AGPAT2: variants seen among roughly 807,000 people sequenced by gnomAD.
AGPAT2 encodes 1-acylglycerol-3-phosphate O-acyltransferase 2.
A neutral mutation model predicts 26.1 loss-of-function variants in AGPAT2; 18 were observed. That is an observed-to-expected ratio of 0.69 (90% confidence interval 0.48 to 1.02). The LOEUF is 1.02. AGPAT2 is among the 50% of genes least tolerant of loss of function. AGPAT2 has a pLI of 0.00. For synonymous variants in AGPAT2, 200 were observed against 174.2 expected (o/e 1.15, Z -1.16); for missense variants, 415 against 394.9 (o/e 1.05, Z -0.43).
chr9:136,685,819 G>T (rs1011713137), intron 1 of AGPAT2, among the ~76,000 whole-genome samples: 1 of 152,166 alleles, frequency 6.6e-6, no homozygotes, highest in African/African-American at 2.4e-5. Flanking sequence ...GGATCCCAGG[G>T]CCAGAACCAC....
chr9:136,684,660 G>T (rs1254257645), intron 1 of AGPAT2, among the ~76,000 whole-genome samples: 1 of 152,210 alleles, frequency 6.6e-6, no homozygotes, highest in Non-Finnish European at 1.5e-5. Context: ...CCAGCCCCAA[G>T]CGCTGGGCTG....
chr9:136,674,017 C>T, intron 5 of AGPAT2, 90 bp from the exon 6 acceptor site: 3 of 1,290,602 alleles, frequency 2.3e-6, no homozygotes, highest in South Asian at 1.8e-5. Flanking sequence ...CCCAGCCCCC[C>T]ACAGCCCCTC....
chr9:136,681,879 C>T (rs1211543146), intron 1 of AGPAT2, among the ~76,000 whole-genome samples: 1 of 152,074 alleles, frequency 6.6e-6, no homozygotes, highest in African/African-American at 2.4e-5. Context: ...GCCGAGGACA[C>T]CCCCGGGAAC....
intron 1 of AGPAT2, among the ~76,000 whole-genome samples, chr9:136,678,317 C>T (rs1305699313): frequency 1.3e-5 from 2 of 152,154 alleles, no homozygotes; most frequent in Non-Finnish European, 1.5e-5. Context: ...TGTGAGGTGG[C>T]CTTGTCCAAG....
At chr9:136,677,582 G>A (rs776939303) in intron 1 of AGPAT2, 26 bp from the exon 2 acceptor site, 9 of 1,612,678 alleles carry the variant, frequency 5.6e-6, no homozygotes, top group African/African-American at 1.3e-5. Context: ...CCATGAACAC[G>A]GGTCCCACAG....
At chr9:136,678,288 C>G (rs1057287657) in intron 1 of AGPAT2, among the ~76,000 whole-genome samples, 1 of 152,170 alleles carries the variant, frequency 6.6e-6, no homozygotes, top group African/African-American at 2.4e-5. Flanking sequence ...CTGGGGGCTG[C>G]CCTTGGAGCA....
In AGPAT2 at chr9:136,687,304, C is replaced by T. The variant is rs140553479; in HGVS notation, c.54G>A (p.Val18=). The T allele has an allele frequency of 7.3e-5, 115 of 1,578,126 alleles. No homozygotes were observed. The highest frequency in any genetic ancestry group is 9.6e-5 in the Non-Finnish European group (112 of 1,167,546). Residue 18 remains valine, a synonymous_variant, in exon 1 of 6, where the codon GTG becomes GTA. Coordinates refer to ENST00000371696, the MANE Select transcript of AGPAT2 (RefSeq NM_006412.4). ...AGAACTCGGCCGCGCGGCTCAGCTGCACCAGCAGCAGCAGCAACAGCAGCG... is the reference window on the plus strand; with the variant it reads ...AGAACTCGGCCGCGCGGCTCAGCTGTACCAGCAGCAGCAGCAACAGCAGCG... The part of the protein sequence containing the change: ...AAALLLLLLL[V]QLSRAAEFYA...
intron 5 of AGPAT2, among the ~76,000 whole-genome samples, chr9:136,674,442 G>A (rs1846062285): frequency 6.6e-6 from 1 of 152,256 alleles, no homozygotes; most frequent in Non-Finnish European, 1.5e-5. Context: ...TGGGCTCAGA[G>A]GCCGCCCTCC....
chr9:136,679,454 A>C (rs1332276604), intron 1 of AGPAT2, among the ~76,000 whole-genome samples: 2 of 151,948 alleles, frequency 1.3e-5, no homozygotes, highest in East Asian at 3.9e-4. Flanking sequence ...CCAACTCTAG[A>C]TATCTCCTCT....
chr9:136,676,431 G>A (rs536044504), intron 4 of AGPAT2, among the ~76,000 whole-genome samples, 154 bp downstream of exon 4: 7 of 152,214 alleles, frequency 4.6e-5, no homozygotes, highest in Non-Finnish European at 8.8e-5. Context: ...GCAAGTGCAG[G>A]AAGGGGCAAG....
intron 1 of AGPAT2, among the ~76,000 whole-genome samples, chr9:136,683,898 C>T (rs531752247): frequency 1.4e-3 from 206 of 152,318 alleles, no homozygotes; most frequent in African/African-American, 4.6e-3. Flanking sequence ...ATGCACTGGC[C>T]GGCAAATCTG....
At chr9:136,675,704 C>T (rs1846082225) in intron 4 of AGPAT2, among the ~76,000 whole-genome samples, 1 of 152,292 alleles carries the variant, frequency 6.6e-6, no homozygotes, top group East Asian at 1.9e-4. Context: ...GCTGATCCAG[C>T]CCTCACTCTG....
rs1282800569 is a variant in AGPAT2, at chr9:136,677,405, C to G, written c.316+18G>C. 6.2e-7 allele frequency: 1 copy of G among 1,613,144 alleles called. No individual in the cohort carries two copies. On this transcript the variant is annotated intron_variant, in intron 2 of 5. Transcript: ENST00000371696. ...GCCCCACTCAAACCCCAGAAGCCAC[C>G]CCCGAGGCCCGGCCTACCCATCATG...
At chr9:136,675,187 A>G (rs184836953) in intron 4 of AGPAT2, among the ~76,000 whole-genome samples, 2,212 of 151,994 alleles carry the variant, frequency 0.015, 51 homozygotes, top group African/African-American at 0.046. Flanking sequence ...TCTCCATCTC[A>G]GGAAGCCAGT....
At chr9:136,674,897 G>A (rs1023174502) in intron 4 of AGPAT2, 90 bp from the exon 5 acceptor site, 35 of 934,984 alleles carry the variant, frequency 3.7e-5, no homozygotes, top group South Asian at 1.0e-4. Flanking sequence ...CCTGTCCTGC[G>A]GCCCACCCAC....
In AGPAT2 at chr9:136,684,226, G is replaced by A. The variant is rs140534696; in HGVS notation, c.182+2950C>T. ...GTATGAAAAAGTAAACTTCTCTGTG[G>A]ATTAAGCTGCTGTCTTGAGGGTTTT... On this transcript the variant is annotated intron_variant, in intron 1 of 5. Transcript: ENST00000371696. 9.4e-3 allele frequency among the ~76,000 whole-genome samples: 1,429 copies of A among 152,336 alleles called. 29 individuals are homozygous for A. The highest frequency in any genetic ancestry group is 0.033 in the African/African-American group (1,378 of 41,580).
At position 136,687,318 on chromosome 9, in the gene AGPAT2, G is replaced by A; in HGVS notation, c.40C>T (p.Leu14=). ...CGGCTCAGCTGCACCAGCAGCAGCA[G>A]CAACAGCAGCGCCGCGGCCAGACAC... ...WPCLAAALLL[L]LLLVQLSRAA... The change falls in exon 1 of 6, where the codon CTG becomes TTG. Residue 14 remains leucine, a synonymous_variant. Transcript: ENST00000371696. The A allele has an allele frequency of 1.3e-6, 2 of 1,571,930 alleles. No individual in the cohort carries two copies. The highest frequency in any genetic ancestry group is 1.1e-5 in the South Asian group (1 of 87,198).
intron 1 of AGPAT2, 125 bp from the exon 2 acceptor site, chr9:136,677,681 C>T (rs1846111748): frequency 1.7e-5 from 21 of 1,201,552 alleles, no homozygotes; most frequent in South Asian, 7.9e-5. Context: ...GGCAGGAGAC[C>T]GGGAGACACA....
intron 1 of AGPAT2, 138 bp from the exon 2 acceptor site, chr9:136,677,694 G>A: frequency 9.4e-7 from 1 of 1,065,722 alleles, no homozygotes; most frequent in Non-Finnish European, 1.4e-6. Flanking sequence ...GAGACACAGG[G>A]GAGGGAGCCC....
Sources: gnomAD v4.1 joint callset for allele counts (sites outside exome capture counted in the v4.1 genomes callset) on GRCh38, gnomAD v4.1.1 for gene constraint, MANE v1.5 for transcripts, NCBI Gene and HGNC (gene_info 2026-07-23, HGNC 2026-07-21) for gene names.